The following TMX2 variants were observed in gnomAD, a reference collection of about 807,000 sequenced individuals.
TMX2 encodes thioredoxin related transmembrane protein 2, also known as thioredoxin-related transmembrane protein 2.
A neutral mutation model predicts 33.4 loss-of-function variants in TMX2; 20 were observed. The ratio of observed to expected loss-of-function variants is 0.60; its 90% CI spans 0.42 to 0.87. TMX2 has a LOEUF of 0.87. TMX2 is among the 40% of genes least tolerant of loss of function. TMX2 has a pLI of 0.00. For synonymous variants in TMX2, 166 were observed against 140.7 expected (o/e 1.18, Z -1.27); for missense variants, 340 against 370.7 (o/e 0.92, Z 0.68).
intron 1 of TMX2, among the ~76,000 whole-genome samples, chr11:57,724,663 A>C (rs1947857956): frequency 6.6e-6 from 1 of 152,128 alleles, no homozygotes; most frequent in South Asian, 2.1e-4. Flanking sequence ...CATACAGGTT[A>C]ATAGAACTGT....
chr11:57,730,426 TAAAAAAAAAAA>T lies in TMX2; in HGVS notation c.190-7164_190-7154del, dbSNP rs61228178. ...TGGGCAACAAGAGTGAAACTGTCTTTAAAAAAAAAAAAAAAAAAAAAAAAAAAAGGCCAGGC... is the reference window on the plus strand; with the variant it reads ...TGGGCAACAAGAGTGAAACTGTCTTTAAAAAAAAAAAAAAAAAGGCCAGGC... On this transcript the variant is annotated intron_variant, in intron 1 of 7. Transcript: ENST00000278422. Among the ~76,000 whole-genome samples, 18 of 23,602 alleles carry T rather than the reference TAAAAAAAAAAA, an allele frequency of 7.6e-4. No homozygotes were observed. In the South Asian group the frequency reaches 0.011, roughly 15 times the overall value. 15.5% of individuals were successfully genotyped at this position (23,602 alleles called of 152,430 possible). A position where few individuals can be genotyped will look rare whatever the true frequency, so the allele number is the denominator to read the frequency against.
Position 57,740,125 on chromosome 11 carries a change from A to G in TMX2, c.771A>G (p.Leu257=), listed in dbSNP as rs1221289201. The G allele has an allele frequency of 3.1e-6, 5 of 1,614,028 alleles. No individual in the cohort carries two copies. Among genetic ancestry groups the G allele is most frequent in the Non-Finnish European group, 4.2e-6 (5 of 1,179,876 alleles). ...AGAATGTGATCCGAGAATTTAACTT[A>G]AATGAGCTATACCAGCGGGCCAAGA... ...SEENVIREFN[L]NELYQRAKKL... Residue 257 remains leucine (L), a synonymous_variant, in exon 8 of 8, where the codon TTA becomes TTG. Coordinates refer to ENST00000278422, the MANE Select transcript of TMX2 (RefSeq NM_015959.4).
intron 1 of TMX2, among the ~76,000 whole-genome samples, chr11:57,725,052 AAAAGAAAG>A (rs1290963747): frequency 6.6e-6 from 1 of 150,892 alleles, no homozygotes; most frequent in South Asian, 2.1e-4. Flanking sequence ...AAAAAAAAAA[AAAAGAAAG>A]AAAAGAAAAG....
chr11:57,717,718 A>G (rs867081936), intron 1 of TMX2, among the ~76,000 whole-genome samples: 1 of 15,704 alleles, frequency 6.4e-5, no homozygotes, highest in Non-Finnish European at 1.1e-4. Flanking sequence ...GGAGACCGAG[A>G]GGGAGAGGGG....
chr11:57,734,657 A>G (rs552543275), intron 1 of TMX2, among the ~76,000 whole-genome samples: 2 of 152,118 alleles, frequency 1.3e-5, no homozygotes, highest in Admixed American at 1.3e-4. Flanking sequence ...CTGAGGCAGG[A>G]GAATTGCTTG....
intron 1 of TMX2, among the ~76,000 whole-genome samples, chr11:57,731,125 GTTTTTTTTTTTTT>G (rs757832822): frequency 1.2e-5 from 1 of 85,820 alleles, no homozygotes; most frequent in African/African-American, 4.3e-5. Flanking sequence ...TTTGTTTTTT[GTTTTTTTTTTTTT>G]TTTTTTTTTT....
chr11:57,713,673 A>G (rs1240355433), intron 1 of TMX2, among the ~76,000 whole-genome samples: 1 of 152,254 alleles, frequency 6.6e-6, no homozygotes, highest in Non-Finnish European at 1.5e-5. Context: ...TTTAACGTGC[A>G]TAGCATGAGG....
At chr11:57,725,851 T>A (rs946833670) in intron 1 of TMX2, among the ~76,000 whole-genome samples, 3 of 152,162 alleles carry the variant, frequency 2.0e-5, no homozygotes, top group African/African-American at 7.2e-5. Context: ...ATGTGTTACT[T>A]CTGCATCCAC....
intron 1 of TMX2, 80 bp downstream of exon 1, chr11:57,712,887 C>T (rs1427053451): frequency 2.0e-6 from 3 of 1,517,054 alleles, no homozygotes; most frequent in Non-Finnish European, 2.7e-6. Flanking sequence ...CTGGGGTTTA[C>T]CTCTCTGAGG....
Position 57,736,249 on chromosome 11 carries a change from T to C in TMX2, c.190-1359T>C, listed in dbSNP as rs1170581337. Among the ~76,000 whole-genome samples, 4 of 152,224 alleles carry C rather than the reference T, an allele frequency of 2.6e-5. No individual in the cohort carries two copies. The East Asian group carries it at 7.7e-4, about 29-fold the overall frequency. ...TGGTGGTTACATTCTACAACAGGGTTATCTAATCTTTTGGCTTCCCTGGGC... is the reference window on the plus strand; with the variant it reads ...TGGTGGTTACATTCTACAACAGGGTCATCTAATCTTTTGGCTTCCCTGGGC... On this transcript the variant is annotated intron_variant, in intron 1 of 7. Transcript: ENST00000278422.
At chr11:57,727,625 C>T (rs1321293356) in intron 1 of TMX2, among the ~76,000 whole-genome samples, 2 of 152,178 alleles carry the variant, frequency 1.3e-5, no homozygotes, top group Admixed American at 1.3e-4. Context: ...AAATGTTTTA[C>T]CCCAAAATCT....
intron 1 of TMX2, among the ~76,000 whole-genome samples, chr11:57,733,343 C>T (rs1009962928): frequency 6.6e-6 from 1 of 150,580 alleles, no homozygotes; most frequent in African/African-American, 2.5e-5. Flanking sequence ...GCAACCTCCG[C>T]CTCTCGGGTT....
intron 7 of TMX2, among the ~76,000 whole-genome samples, chr11:57,739,704 C>T (rs1948973402): frequency 6.6e-6 from 1 of 151,718 alleles, no homozygotes; most frequent in East Asian, 1.9e-4. Flanking sequence ...TTGCAGTGAG[C>T]TGAGATTGCA....
chr11:57,733,578 G>T (rs1383280194), intron 1 of TMX2, among the ~76,000 whole-genome samples: 1 of 151,712 alleles, frequency 6.6e-6, no homozygotes, highest in African/African-American at 2.4e-5. Flanking sequence ...ATTTACAGAT[G>T]AAACGATATA....
intron 1 of TMX2, among the ~76,000 whole-genome samples, chr11:57,733,686 G>C (rs1455099633): frequency 6.6e-6 from 1 of 152,150 alleles, no homozygotes; most frequent in Non-Finnish European, 1.5e-5. Flanking sequence ...TTGAAGCTGG[G>C]TAATAGGGGT....
intron 1 of TMX2, among the ~76,000 whole-genome samples, chr11:57,713,543 T>G (rs1399844623): frequency 6.6e-6 from 1 of 152,198 alleles, no homozygotes; most frequent in African/African-American, 2.4e-5. Flanking sequence ...TAAAGCACTT[T>G]CCCTTCTGCC....
intron 1 of TMX2, among the ~76,000 whole-genome samples, chr11:57,714,211 CA>C (rs1285232457): frequency 6.6e-6 from 1 of 152,152 alleles, no homozygotes; most frequent in East Asian, 1.9e-4. Context: ...AATTGAGCGG[CA>C]AAGGATCCCA....
At chr11:57,717,361 A>G (rs1256548236) in intron 1 of TMX2, among the ~76,000 whole-genome samples, 4 of 151,306 alleles carry the variant, frequency 2.6e-5, no homozygotes, top group African/African-American at 7.3e-5. Flanking sequence ...CGGCTGGGAG[A>G]TGGAGGTTGT....
chr11:57,738,859 G>T (rs1948911099), intron 5 of TMX2, 89 bp downstream of exon 5: 1 of 1,539,332 alleles, frequency 6.5e-7, no homozygotes, highest in East Asian at 2.3e-5. Context: ...TTTTGGCCTT[G>T]ATTTTCACAC....
Sources: gnomAD v4.1 joint callset for allele counts (sites outside exome capture counted in the v4.1 genomes callset) on GRCh38, gnomAD v4.1.1 for gene constraint, MANE v1.5 for transcripts, NCBI Gene and HGNC (gene_info 2026-07-23, HGNC 2026-07-21) for gene names.